The following PCBD2 variants were observed in gnomAD, a reference collection of about 807,000 sequenced individuals.
PCBD2 encodes the protein pterin-4-alpha-carbinolamine dehydratase 2.
In PCBD2, 12 loss-of-function variants were observed where a neutral mutation model predicts 16.4. The ratio of observed to expected loss-of-function variants is 0.73; its 90% CI spans 0.47 to 1.19. The LOEUF (loss-of-function observed/expected upper bound fraction) is 1.19, where lower values mean the gene tolerates loss of function less well. PCBD2 is among the 50% of genes most tolerant of loss of function. The pLI is 0.00. For synonymous variants in PCBD2, 58 were observed against 61.8 expected, an observed-to-expected ratio of 0.94 and a Z score of 0.29; for missense variants, 138 against 156.8, an observed-to-expected ratio of 0.88 and a Z score of 0.64.
intron 2 of PCBD2, chr5:134,923,875 C>T (rs754096362): frequency 1.8e-5 from 7 of 394,228 alleles, no homozygotes; most frequent in Non-Finnish European, 2.7e-5. Flanking sequence ...GCGGTTGAAG[C>T]GTCTGGTGAG....
At chr5:134,918,332 C>G (rs1251730626) in intron 2 of PCBD2, among the ~76,000 whole-genome samples, 4 of 152,006 alleles carry the variant, frequency 2.6e-5, no homozygotes, top group Admixed American at 2.0e-4. Context: ...TGGCGAAACC[C>G]CTTCTCTACT....
chr5:134,951,740 T>C (rs1751360273), intron 2 of PCBD2, among the ~76,000 whole-genome samples: 1 of 152,244 alleles, frequency 6.6e-6, no homozygotes, highest in Admixed American at 6.5e-5. Flanking sequence ...ATGATTGAGA[T>C]TGAGCAGTTT....
intron 2 of PCBD2, among the ~76,000 whole-genome samples, chr5:134,957,672 A>G (rs1468609492): frequency 6.6e-6 from 1 of 152,234 alleles, no homozygotes; most frequent in African/African-American, 2.4e-5. Context: ...CAGCCTGGGC[A>G]ACATAGTGAG....
Position 134,916,118 on chromosome 5 carries a change from A to C in PCBD2, c.216+5652A>C, listed in dbSNP as rs544647597. Among the ~76,000 whole-genome samples, 6 of 152,312 alleles carry C rather than the reference A, an allele frequency of 3.9e-5. No individual in the cohort carries two copies. The South Asian group carries it at 1.2e-3, about 32-fold the overall frequency. On this transcript the variant is annotated intron_variant, in intron 2 of 3. Coordinates refer to ENST00000254908, the MANE Select transcript of PCBD2 (RefSeq NM_032151.5). ...AGCCTGGGCAACACAAGGAGACTCC[A>C]TCTCTACAAAAATAAAAATTAGCCA...
At chr5:134,941,601 G>A (rs1297944326) in intron 2 of PCBD2, among the ~76,000 whole-genome samples, 6 of 152,082 alleles carry the variant, frequency 3.9e-5, no homozygotes, top group Non-Finnish European at 5.9e-5. Context: ...ACAGTTACTC[G>A]CTGTATGTGA....
At position 134,961,494 on chromosome 5, in the gene PCBD2, C is replaced by T. The variant is rs369188175; in HGVS notation, c.*813C>T. Among the ~76,000 whole-genome samples, 18 of 151,884 alleles carry T rather than the reference C, an allele frequency of 1.2e-4. No homozygotes were observed. Among genetic ancestry groups the T allele is most frequent in the African/African-American group, 4.3e-4 (18 of 41,408 alleles). On this transcript the variant is annotated 3_prime_UTR_variant, in exon 4 of 4. Coordinates refer to ENST00000254908, the MANE Select transcript of PCBD2 (RefSeq NM_032151.5). ...AGAGATGGGGTTTCATTATGTTGGC[C>T]AGGATGGTCTCGATCTACTGACCTC...
intron 2 of PCBD2, among the ~76,000 whole-genome samples, chr5:134,911,510 G>C (rs1001443352): frequency 1.3e-5 from 2 of 152,126 alleles, no homozygotes; most frequent in Non-Finnish European, 2.9e-5. Context: ...TTTATATTGG[G>C]TGTCGGCATC....
chr5:134,916,142 C>T (rs1234931345), intron 2 of PCBD2, among the ~76,000 whole-genome samples: 1 of 152,024 alleles, frequency 6.6e-6, no homozygotes, highest in African/African-American at 2.4e-5. Context: ...AAAAATTAGC[C>T]AAGAGTGGTG....
chr5:134,923,256 T>A (rs1041798198), intron 2 of PCBD2: 4 of 153,490 alleles, frequency 2.6e-5, no homozygotes, highest in Non-Finnish European at 5.8e-5. Context: ...TGAGAGAGAA[T>A]AATGGGAAGA....
intron 2 of PCBD2, among the ~76,000 whole-genome samples, chr5:134,955,566 C>T (rs1751406209): frequency 1.3e-5 from 2 of 152,200 alleles, no homozygotes; most frequent in African/African-American, 2.4e-5. Flanking sequence ...CCTCTGCCTC[C>T]AAAAGTGCTG....
Position 134,938,264 on chromosome 5 carries a change from C to T in PCBD2, c.217-20776C>T, listed in dbSNP as rs187048204. Among the ~76,000 whole-genome samples the T allele has an allele frequency of 7.9e-5, 12 of 152,302 alleles. No individual in the cohort carries two copies. In the East Asian group the frequency reaches 1.4e-3, roughly 17 times the overall value. On this transcript the variant is annotated intron_variant, in intron 2 of 3. Transcript: ENST00000254908. Reference sequence around the variant, plus strand: ...TCTCCAGATCCGTCATTGTTGCCATCGACTTTGGTGCCAGAAGTGAAACCA... The same window carrying T: ...TCTCCAGATCCGTCATTGTTGCCATTGACTTTGGTGCCAGAAGTGAAACCA...
chr5:134,922,495 A>T (rs1229665109), intron 2 of PCBD2, among the ~76,000 whole-genome samples: 3 of 152,116 alleles, frequency 2.0e-5, no homozygotes, highest in Non-Finnish European at 4.4e-5. Context: ...CAGTTATCAA[A>T]CACTTACTGT....
rs139917355 is a variant in PCBD2 at position 134,961,881 on chromosome 5, C to T, written c.*1200C>T. 1.3e-5 allele frequency among the ~76,000 whole-genome samples: 2 copies of T among 152,114 alleles called. No homozygotes were observed. Among genetic ancestry groups the T allele is most frequent in the African/African-American group, 4.8e-5 (2 of 41,482 alleles). On this transcript the variant is annotated 3_prime_UTR_variant, in exon 4 of 4. Transcript: ENST00000254908. The stretch of plus-strand genomic sequence containing the variant: ...GGCTCAAGCAGTTCTCCCTCCTCAG[C>T]CTCCAGAGTAGCTGGGACTATAGGC...
chr5:134,960,609 T>C lies in PCBD2; in HGVS notation c.321T>C (p.His107=). Residue 107 remains histidine (H), a synonymous_variant, in exon 4 of 4, where the codon CAT becomes CAC. Coordinates refer to ENST00000254908, the MANE Select transcript of PCBD2 (RefSeq NM_032151.5). ...AGGTCCAGATAACTCTCACCTCACA[T>C]GACTGTGGTGAACTGACCAAAAAAG... ...YNKVQITLTS[H]DCGELTKKDV... is the part of the protein sequence containing the mutation. 6.2e-7 allele frequency: 1 copy of C among 1,612,464 alleles called. No individual in the cohort carries two copies. The highest frequency in any genetic ancestry group is 8.5e-7 in the Non-Finnish European group (1 of 1,178,628).
chr5:134,911,166 G>T (rs1750764646), intron 2 of PCBD2, among the ~76,000 whole-genome samples: 1 of 152,144 alleles, frequency 6.6e-6, no homozygotes, highest in African/African-American at 2.4e-5. Flanking sequence ...TATTTTCCCT[G>T]ACTTTTTCTG....
intron 2 of PCBD2, among the ~76,000 whole-genome samples, chr5:134,921,576 T>C (rs1275985440): frequency 6.6e-6 from 1 of 152,118 alleles, no homozygotes; most frequent in African/African-American, 2.4e-5. Context: ...TGGCGTACTC[T>C]CCTGGGGTAG....
chr5:134,942,698 A>G (rs1751243821), intron 2 of PCBD2, among the ~76,000 whole-genome samples: 1 of 152,140 alleles, frequency 6.6e-6, no homozygotes. Context: ...ATACTAGATG[A>G]TAATATTATT....
At chr5:134,909,017 A>G (rs531515435) in intron 1 of PCBD2, 2 of 152,302 alleles carry the variant, frequency 1.3e-5, no homozygotes, top group East Asian at 3.9e-4. Flanking sequence ...GGCAAGAAGT[A>G]TTGCCTGGAA....
intron 2 of PCBD2, among the ~76,000 whole-genome samples, chr5:134,918,271 G>A (rs949587785): frequency 5.3e-5 from 8 of 152,276 alleles, no homozygotes; most frequent in Admixed American, 1.3e-4. Context: ...TTGGGAGGCC[G>A]AAGCAGGCGG....
Sources: gnomAD v4.1 joint callset for allele counts (sites outside exome capture counted in the v4.1 genomes callset) on GRCh38, gnomAD v4.1.1 for gene constraint, MANE v1.5 for transcripts, NCBI Gene and HGNC (gene_info 2026-07-23, HGNC 2026-07-21) for gene names.